The following COX16 variants were observed in gnomAD, a reference collection of about 807,000 sequenced individuals.
COX16 encodes the protein cytochrome c oxidase assembly factor COX16.
In COX16, 12 loss-of-function variants were observed where a neutral mutation model predicts 15.4. That is an observed-to-expected ratio of 0.78 (90% confidence interval 0.50 to 1.26). The LOEUF (loss-of-function observed/expected upper bound fraction) is 1.26. COX16 is among the 50% of genes most tolerant of loss of function. The probability of loss-of-function intolerance (pLI) is 0.00; values close to 1 mark genes in which losing one functional copy is unlikely to be tolerated. For synonymous variants in COX16, 46 were observed against 41.1 expected (o/e 1.12, Z -0.46); for missense variants, 124 against 127.6 (o/e 0.97, Z 0.14).
chr14:70,350,305 G>A (rs1242683155), intron 1 of COX16, among the ~76,000 whole-genome samples: 1 of 152,158 alleles, frequency 6.6e-6, no homozygotes, highest in African/African-American at 2.4e-5. Context: ...GTCAGACTAG[G>A]ACACTTCCTG....
At chr14:70,344,784 C>T (rs528007031) in intron 1 of COX16, among the ~76,000 whole-genome samples, 31 of 152,192 alleles carry the variant, frequency 2.0e-4, no homozygotes, top group East Asian at 3.9e-4. Flanking sequence ...GGAAGAGAGC[C>T]GGCCGGAAAA....
At position 70,350,017 on chromosome 14, in the gene COX16, G is replaced by A. The variant is rs571938241; in HGVS notation, c.70-7288C>T. ...GGTTTTCTTTTTCCAAGGTGCCCACGCCACCCCTATGTCACGCCTGAAGTA... is the reference window on the plus strand; with the variant it reads ...GGTTTTCTTTTTCCAAGGTGCCCACACCACCCCTATGTCACGCCTGAAGTA... On this transcript the variant is annotated intron_variant, in intron 1 of 3. Transcript: ENST00000389912. 1.9e-4 allele frequency among the ~76,000 whole-genome samples: 29 copies of A among 152,236 alleles called. 1 individual carries two copies. In the East Asian group the frequency reaches 5.6e-3, roughly 29 times the overall value.
intron 2 of COX16, among the ~76,000 whole-genome samples, chr14:70,334,615 AAAGTT>A (rs1594911286): frequency 1.3e-5 from 2 of 152,338 alleles, no homozygotes; most frequent in East Asian, 3.9e-4. Context: ...TTCTGTAATC[AAAGTT>A]AAGTTGGTAT....
chr14:70,326,232 G>T lies in COX16; in HGVS notation c.*101C>A. On this transcript the variant is annotated 3_prime_UTR_variant, in exon 4 of 4. Transcript: ENST00000389912. ...ATTACCCATATCCAAGTTTCCATGG[G>T]CCTGGAATTTCCTTTCCACTTGATA... 1 of 963,212 alleles carries T rather than the reference G, an allele frequency of 1.0e-6. No individual in the cohort carries two copies. Among genetic ancestry groups the T allele is most frequent in the Non-Finnish European group, 1.4e-6 (1 of 726,032 alleles). 59.7% of individuals were successfully genotyped at this position (963,212 alleles called of 1,614,324 possible).
intron 1 of COX16, among the ~76,000 whole-genome samples, chr14:70,353,659 G>A (rs1887038096): frequency 6.6e-6 from 1 of 151,548 alleles, no homozygotes; most frequent in Admixed American, 6.6e-5. Flanking sequence ...GACCACAGGC[G>A]CCTGCCACCA....
rs1342411232 is a variant in COX16 at position 70,353,215 on chromosome 14, T to A, written c.69+6304A>T. 2.8e-5 allele frequency among the ~76,000 whole-genome samples: 4 copies of A among 144,686 alleles called. No homozygotes were observed. The East Asian group carries it at 8.2e-4, about 30-fold the overall frequency. 94.9% of individuals were successfully genotyped at this position (144,686 alleles called of 152,430 possible). Reference sequence around the variant, plus strand: ...GGTGGAGGTTGCAGTGAGCCAAGACTGCGCCACTGTACTCCAGCCTGGTGA... The same window carrying A: ...GGTGGAGGTTGCAGTGAGCCAAGACAGCGCCACTGTACTCCAGCCTGGTGA... On this transcript the variant is annotated intron_variant, in intron 1 of 3. Coordinates refer to ENST00000389912, the MANE Select transcript of COX16 (RefSeq NM_016468.7).
In COX16 at chr14:70,330,329, A is replaced by G. The variant is rs147636469; in HGVS notation, c.142-1093T>C. Reference sequence around the variant, plus strand: ...ACAACTTTCCAAAACTGACAAAGGCACAATAGACAACCTGAATAGTTTTAC... The same window carrying G: ...ACAACTTTCCAAAACTGACAAAGGCGCAATAGACAACCTGAATAGTTTTAC... On this transcript the variant is annotated intron_variant, in intron 2 of 3. Coordinates refer to ENST00000389912, the MANE Select transcript of COX16 (RefSeq NM_016468.7). Among the ~76,000 whole-genome samples the G allele has an allele frequency of 7.1e-4, 108 of 152,348 alleles. 1 individual carries two copies. Among genetic ancestry groups the G allele is most frequent in the African/African-American group, 2.5e-3 (106 of 41,586 alleles).
chr14:70,334,138 ATC>A (rs1886373823), intron 2 of COX16, among the ~76,000 whole-genome samples: 2 of 152,240 alleles, frequency 1.3e-5, no homozygotes, highest in African/African-American at 2.4e-5. Context: ...TAATACTGCA[ATC>A]ATGATGTTTA....
intron 2 of COX16, among the ~76,000 whole-genome samples, chr14:70,338,849 T>C (rs1423753512): frequency 1.3e-5 from 2 of 152,182 alleles, no homozygotes; most frequent in Non-Finnish European, 2.9e-5. Flanking sequence ...TGTTTTCACA[T>C]TCCTGTCTCC....
intron 3 of COX16, among the ~76,000 whole-genome samples, chr14:70,327,482 A>ATT (rs561190558): frequency 4.0e-5 from 6 of 148,750 alleles, no homozygotes; most frequent in African/African-American, 1.5e-4. Flanking sequence ...AAGTTACAGG[A>ATT]TTTTTTTTTT....
intron 1 of COX16, among the ~76,000 whole-genome samples, chr14:70,357,694 G>C (rs1474518398): frequency 1.3e-5 from 2 of 152,180 alleles, no homozygotes; most frequent in African/African-American, 2.4e-5. Context: ...ACCACAATGA[G>C]GTATCACTTC....
chr14:70,357,730 C>G (rs1887174755), intron 1 of COX16, among the ~76,000 whole-genome samples: 1 of 152,148 alleles, frequency 6.6e-6, no homozygotes, highest in South Asian at 2.1e-4. Context: ...GGTAATAATT[C>G]AAAAGATGGA....
intron 2 of COX16, among the ~76,000 whole-genome samples, chr14:70,341,887 A>T (rs1055151203): frequency 3.3e-5 from 5 of 152,166 alleles, no homozygotes; most frequent in African/African-American, 1.2e-4. Flanking sequence ...ATGAACTAAT[A>T]TAGTCCTACT....
chr14:70,338,495 T>C (rs1477199834), intron 2 of COX16, among the ~76,000 whole-genome samples: 2 of 152,202 alleles, frequency 1.3e-5, no homozygotes, highest in African/African-American at 4.8e-5. Flanking sequence ...CATTTTTCTG[T>C]TTAGCATTGA....
Position 70,326,115 on chromosome 14 carries a change from G to C in COX16, c.*218C>G. 1 of 287,272 alleles carries C rather than the reference G, an allele frequency of 3.5e-6. No individual in the cohort carries two copies. The highest frequency in any genetic ancestry group is 6.3e-6 in the Non-Finnish European group (1 of 159,232). 17.8% of individuals were successfully genotyped at this position (287,272 alleles called of 1,614,324 possible). Reference sequence around the variant, plus strand: ...TTTTATTTCGAGGTGTAAAATATACGTGGCCAACATTGTTACTTTCATCCA... The same window carrying C: ...TTTTATTTCGAGGTGTAAAATATACCTGGCCAACATTGTTACTTTCATCCA... On this transcript the variant is annotated 3_prime_UTR_variant, in exon 4 of 4. Transcript: ENST00000389912.
At chr14:70,349,866 C>T (rs1338143084) in intron 1 of COX16, among the ~76,000 whole-genome samples, 2 of 152,220 alleles carry the variant, frequency 1.3e-5, no homozygotes, top group Non-Finnish European at 2.9e-5. Flanking sequence ...CCTGTCCACA[C>T]CGCCTTGTCC....
intron 1 of COX16, among the ~76,000 whole-genome samples, chr14:70,349,835 G>A (rs979562054): frequency 7.2e-5 from 11 of 152,144 alleles, no homozygotes; most frequent in African/African-American, 2.7e-4. Context: ...TTGTGAAGCA[G>A]CAAATGAGGC....
intron 1 of COX16, among the ~76,000 whole-genome samples, chr14:70,358,588 A>G (rs1887205045): frequency 6.6e-6 from 1 of 152,058 alleles, no homozygotes; most frequent in Non-Finnish European, 1.5e-5. Flanking sequence ...TAAAATATCC[A>G]TTACCTTTCT....
In COX16 at chr14:70,346,926, C is replaced by A. The variant is rs139264843; in HGVS notation, c.70-4197G>T. Reference sequence around the variant, plus strand: ...CTTGCACATTCCCCATAGTACCCAACGCATCAACCCAGACCCCTCGGGGCA... The same window carrying A: ...CTTGCACATTCCCCATAGTACCCAAAGCATCAACCCAGACCCCTCGGGGCA... On this transcript the variant is annotated intron_variant, in intron 1 of 3. Transcript: ENST00000389912. 3.3e-5 allele frequency among the ~76,000 whole-genome samples: 5 copies of A among 152,066 alleles called. No homozygotes were observed. In the South Asian group the frequency reaches 1.0e-3, roughly 32 times the overall value.
Sources: gnomAD v4.1 joint callset for allele counts (sites outside exome capture counted in the v4.1 genomes callset) on GRCh38, gnomAD v4.1.1 for gene constraint, MANE v1.5 for transcripts, NCBI Gene and HGNC (gene_info 2026-07-23, HGNC 2026-07-21) for gene names.